The following REDIC1 variants were observed in gnomAD, a reference collection of about 807,000 sequenced individuals.
REDIC1 encodes the protein regulator of DNA class I crossover intermediates 1, also known as HEI10 Interacting Protein 1.
chr12:39,904,944 T>G, the REDIC1 span, among the ~76,000 whole-genome samples: 1,101 of 152,210 alleles, frequency 7.2e-3, 10 homozygotes, highest in African/African-American at 0.026. Context: ...GGCATGCCAC[T>G]TTTTGATACA....
the REDIC1 span, among the ~76,000 whole-genome samples, chr12:39,713,012 C>CAT: frequency 2.2e-5 from 3 of 133,684 alleles, no homozygotes; most frequent in Non-Finnish European, 4.8e-5. Context: ...TGTATATATA[C>CAT]ATGTGTATAT....
the REDIC1 span, among the ~76,000 whole-genome samples, chr12:39,767,302 C>CTTTTTTT: frequency 5.4e-5 from 8 of 147,350 alleles, no homozygotes; most frequent in Non-Finnish European, 9.0e-5. Flanking sequence ...TGAAAGGAAT[C>CTTTTTTT]TTTTTTTTCT....
chr12:39,882,648 C>T, the REDIC1 span, among the ~76,000 whole-genome samples: 1 of 152,158 alleles, frequency 6.6e-6, no homozygotes, highest in African/African-American at 2.4e-5. Context: ...ACCAAGAAAG[C>T]GTGAGCAATC....
At chr12:39,843,388 T>G in the REDIC1 span, among the ~76,000 whole-genome samples, 1 of 152,038 alleles carries the variant, frequency 6.6e-6, no homozygotes, top group Non-Finnish European at 1.5e-5. Context: ...CTTCTTACAG[T>G]AGTGATCCAG....
At chr12:39,693,699 T>TA in the REDIC1 span, among the ~76,000 whole-genome samples, 2 of 152,202 alleles carry the variant, frequency 1.3e-5, no homozygotes, top group Admixed American at 6.5e-5. Context: ...AATGCCCTAT[T>TA]GATGGACATT....
chr12:39,701,453 C>A, the REDIC1 span, among the ~76,000 whole-genome samples: 1 of 152,126 alleles, frequency 6.6e-6, no homozygotes, highest in Non-Finnish European at 1.5e-5. Context: ...TCCTGAGTGA[C>A]CTACAAAGAG....
the REDIC1 span, among the ~76,000 whole-genome samples, chr12:39,752,975 C>T: frequency 1.3e-5 from 2 of 152,164 alleles, no homozygotes; most frequent in African/African-American, 4.8e-5. Context: ...GAATCTGATT[C>T]AGCAGGTGGC....
chr12:39,686,690 CT>C, the REDIC1 span, among the ~76,000 whole-genome samples: 3 of 152,222 alleles, frequency 2.0e-5, no homozygotes, highest in Non-Finnish European at 2.9e-5. Flanking sequence ...CTGCAGCCTG[CT>C]TGAATTCCTT....
the REDIC1 span, among the ~76,000 whole-genome samples, chr12:39,883,545 T>G: frequency 2.3e-3 from 345 of 152,304 alleles, 1 homozygote; most frequent in African/African-American, 7.8e-3. Flanking sequence ...AAAATTTTTC[T>G]CAGGAGGCTT....
At chr12:39,682,633 A>T in the REDIC1 span, 1 of 1,585,982 alleles carries the variant, frequency 6.3e-7, no homozygotes, top group South Asian at 1.2e-5. Context: ...GAATTTACTT[A>T]CTAAAAGCCC....
At chr12:39,858,961 T>TA in the REDIC1 span, among the ~76,000 whole-genome samples, 1 of 152,148 alleles carries the variant, frequency 6.6e-6, no homozygotes, top group Non-Finnish European at 1.5e-5. Context: ...CTGACAGTCT[T>TA]ACAGTGCTCA....
chr12:39,759,806 A>G, the REDIC1 span: 12 of 510,580 alleles, frequency 2.4e-5, no homozygotes, highest in Admixed American at 1.1e-4. Flanking sequence ...AAGAATTATT[A>G]GATTAAAATC....
chr12:39,831,412 C>T, the REDIC1 span, among the ~76,000 whole-genome samples: 2 of 151,962 alleles, frequency 1.3e-5, no homozygotes, highest in Non-Finnish European at 2.9e-5. Context: ...GTGTACAAGT[C>T]GTGATACTAT....
the REDIC1 span, among the ~76,000 whole-genome samples, chr12:39,669,779 G>A: frequency 2.8e-3 from 421 of 152,292 alleles, 1 homozygote; most frequent in African/African-American, 8.5e-3. Flanking sequence ...CCTGGCTGCC[G>A]CCTTGCAGTT....
the REDIC1 span, among the ~76,000 whole-genome samples, chr12:39,724,809 C>T: frequency 4.6e-5 from 7 of 151,658 alleles, no homozygotes; most frequent in Admixed American, 4.6e-4. Flanking sequence ...ATAAATTATC[C>T]AGAATGCCAG....
At chr12:39,702,163 A>G in the REDIC1 span, among the ~76,000 whole-genome samples, 290 of 152,344 alleles carry the variant, frequency 1.9e-3, 2 homozygotes, top group Non-Finnish European at 2.9e-3. Flanking sequence ...TGGTTTTTTG[A>G]AAGGATCAAC....
the REDIC1 span, among the ~76,000 whole-genome samples, chr12:39,703,203 A>G: frequency 6.6e-6 from 1 of 152,068 alleles, no homozygotes; most frequent in African/African-American, 2.4e-5. Context: ...TCAGCCCAAA[A>G]TCTCCTTAAG....
At chr12:39,884,137 T>G in the REDIC1 span, among the ~76,000 whole-genome samples, 1 of 152,140 alleles carries the variant, frequency 6.6e-6, no homozygotes, top group Admixed American at 6.5e-5. Context: ...GTATTTTTAG[T>G]GTATGTATGT....
At chr12:39,772,357 G>C in the REDIC1 span, among the ~76,000 whole-genome samples, 1 of 151,914 alleles carries the variant, frequency 6.6e-6, no homozygotes, top group Non-Finnish European at 1.5e-5. Flanking sequence ...ATAACTGCTT[G>C]GCACATAGAA....
Sources: allele counts gnomAD v4.1 joint callset (sites outside exome capture counted in the v4.1 genomes callset), GRCh38; gene constraint gnomAD v4.1.1; transcripts MANE v1.5; gene names NCBI Gene and HGNC (gene_info 2026-07-23, HGNC 2026-07-21).